LPIN1: variants seen among roughly 807,000 people sequenced by gnomAD.
LPIN1 encodes the protein lipin 1.
Under a neutral mutation model 107.5 loss-of-function variants are expected in LPIN1, and 71 were observed. The observed-to-expected ratio is 0.66, with a 90% CI of 0.55 to 0.80. LPIN1 has a LOEUF of 0.80. LPIN1 is among the 30% of genes least tolerant of loss of function. LPIN1 has a pLI of 0.00. For synonymous variants in LPIN1, 445 were observed against 452.6 expected, an observed-to-expected ratio of 0.98 and a Z score of 0.21; for missense variants, 1,043 against 1,160.6, an observed-to-expected ratio of 0.90 and a Z score of 1.47.
At chr2:11,807,094 A>G (rs1424006176) in intron 17 of LPIN1, among the ~76,000 whole-genome samples, 1 of 152,212 alleles carries the variant, frequency 6.6e-6, no homozygotes, top group African/African-American at 2.4e-5. Flanking sequence ...TGCTTATGAT[A>G]TATAATGCAT....
intron 1 of LPIN1, chr2:11,741,316 G>T (rs1029088059): frequency 3.3e-5 from 49 of 1,465,846 alleles, no homozygotes; most frequent in Middle Eastern, 3.5e-4. Flanking sequence ...GAGAGAAAAA[G>T]AACATTTTGT....
At position 11,802,964 on chromosome 2, in the gene LPIN1, C is replaced by G; in HGVS notation, c.1944C>G (p.Asn648Lys). ...AGCGCGCAGCTGCCAAGCCATCAAACGCAGGCCACCTCCCTCTTCTGCCTA... is the reference window on the plus strand; with the variant it reads ...AGCGCGCAGCTGCCAAGCCATCAAAGGCAGGCCACCTCCCTCTTCTGCCTA... ...DEERAAAKPS[N>K]AGHLPLLPNV... Residue 648 changes from asparagine to lysine, a missense_variant, in exon 15 of 21, where the codon AAC (asparagine) becomes AAG (lysine). By Grantham distance (94) the Asn-to-Lys change is moderately conservative. Transcript: ENST00000674199. 1 of 1,613,380 alleles carries G rather than the reference C, an allele frequency of 6.2e-7. No homozygotes were observed. Among genetic ancestry groups the G allele is most frequent in the Non-Finnish European group, 8.5e-7 (1 of 1,180,034 alleles).
intron 7 of LPIN1, 150 bp downstream of exon 7, chr2:11,779,795 A>G: frequency 1.1e-6 from 1 of 901,434 alleles, no homozygotes; most frequent in Admixed American, 2.1e-5. Context: ...GAATGTTGGA[A>G]TTACTTTCTT....
At chr2:11,797,295 A>G (rs538711706) in intron 14 of LPIN1, among the ~76,000 whole-genome samples, 7 of 152,352 alleles carry the variant, frequency 4.6e-5, no homozygotes, top group African/African-American at 1.4e-4. Context: ...GGGGTTAAGA[A>G]TAACACCGAT....
At position 11,773,676 on chromosome 2, in the gene LPIN1, C is replaced by T; in HGVS notation, c.653C>T (p.Ser218Phe). The change falls in exon 5 of 21, where the codon TCC (serine) becomes TTC (phenylalanine). Residue 218 changes from serine (S) to phenylalanine (F), a missense_variant. Physicochemically the swap from Ser to Phe is radical, Grantham distance 155 (BLOSUM62 -2). Transcript: ENST00000674199. ...GATGATATTCCTGAGGAAAACCTCTCCCTGGCTGTGATTTACCCTCAGTCA... is the reference window on the plus strand; with the variant it reads ...GATGATATTCCTGAGGAAAACCTCTTCCTGGCTGTGATTTACCCTCAGTCA... ...FQDDIPEENL[S>F]LAVIYPQSAS... 6.2e-7 allele frequency: 1 copy of T among 1,612,964 alleles called. No homozygotes were observed. The highest frequency in any genetic ancestry group is 8.5e-7 in the Non-Finnish European group (1 of 1,178,996).
At chr2:11,691,084 G>GTTTTTTTTT (rs59865645) in intron 1 of LPIN1, among the ~76,000 whole-genome samples, 1 of 140,604 alleles carries the variant, frequency 7.1e-6, no homozygotes, top group African/African-American at 2.7e-5. Context: ...TCTTGTTGTG[G>GTTTTTTTTT]TTTTTTTTTT....
chr2:11,767,592 T>G (rs780073338), intron 2 of LPIN1, 171 bp from the exon 3 acceptor site: 7 of 663,894 alleles, frequency 1.1e-5, no homozygotes, highest in Non-Finnish European at 8.3e-6. Flanking sequence ...ACTCCTCCAG[T>G]CCTCAAGTGA....
chr2:11,712,996 G>T (rs1193910518), intron 1 of LPIN1, among the ~76,000 whole-genome samples: 9 of 152,160 alleles, frequency 5.9e-5, no homozygotes, highest in African/African-American at 1.9e-4. Context: ...CCTGTCACTT[G>T]GCAGGGCAGG....
upstream of LPIN1, among the ~76,000 whole-genome samples, chr2:11,744,015 C>G (rs1469575292): frequency 6.6e-6 from 1 of 152,242 alleles, no homozygotes; most frequent in Non-Finnish European, 1.5e-5. Flanking sequence ...ACAGCAGCTT[C>G]CCATGATGCC....
At position 11,764,101 on chromosome 2, in the gene LPIN1, T is replaced by TACACAC. The variant is rs1489154625; in HGVS notation, c.-9-1431_-9-1430insCACACA. 103 of 121,280 alleles carry TACACAC rather than the reference T, an allele frequency of 8.5e-4. 1 individual carries two copies. Among genetic ancestry groups the TACACAC allele is most frequent in the Middle Eastern group, 4.5e-3 (1 of 222 alleles). The allele number at this position is 121,280 out of a possible 1,614,324, so 7.5% of individuals were successfully genotyped here. ...GTGTATATATATATATATATATATA[T>TACACAC]ATACACACACACACACACAACGACT... On this transcript the variant is annotated intron_variant, in intron 1 of 20. Transcript: ENST00000674199.
At chr2:11,737,814 G>C (rs542568287) in intron 1 of LPIN1, among the ~76,000 whole-genome samples, 4 of 152,344 alleles carry the variant, frequency 2.6e-5, no homozygotes, top group Admixed American at 2.6e-4. Context: ...CAACCATTGT[G>C]GAAGACAGTG....
At chr2:11,678,370 G>C (rs1195990561) in intron 1 of LPIN1, among the ~76,000 whole-genome samples, 1 of 152,218 alleles carries the variant, frequency 6.6e-6, no homozygotes, top group Non-Finnish European at 1.5e-5. Flanking sequence ...CCGAGGGTAG[G>C]GCCTGGGCTA....
Position 11,782,338 on chromosome 2 carries a change from A to C in LPIN1, c.1095A>C (p.Ala365=). 1 of 1,614,206 alleles carries C rather than the reference A, an allele frequency of 6.2e-7. No homozygotes were observed. The highest frequency in any genetic ancestry group is 8.5e-7 in the Non-Finnish European group (1 of 1,180,034). Reference sequence around the variant, plus strand: ...AATCGCCAACTCTGGTCGGTGGGGCACTTTTGGACCAGAACAAGCCTCAGA... The same window carrying C: ...AATCGCCAACTCTGGTCGGTGGGGCCCTTTTGGACCAGAACAAGCCTCAGA... ...SDQSPTLVGG[A]LLDQNKPQTE... is the part of the protein sequence containing the mutation. The change falls in exon 8 of 21, where the codon GCA becomes GCC. Residue 365 remains alanine (A), a synonymous_variant. Transcript: ENST00000674199.
At chr2:11,811,194 C>CAGT (rs1054024446) in intron 17 of LPIN1, among the ~76,000 whole-genome samples, 6 of 152,168 alleles carry the variant, frequency 3.9e-5, no homozygotes, top group Non-Finnish European at 7.4e-5. Context: ...TAGGAGTGCT[C>CAGT]AGTGAGTGAG....
intron 1 of LPIN1, among the ~76,000 whole-genome samples, chr2:11,747,366 G>A (rs1667123978): frequency 6.6e-6 from 1 of 152,256 alleles, no homozygotes; most frequent in Non-Finnish European, 1.5e-5. Flanking sequence ...TGCAGGATGA[G>A]AAGTAACGTT....
chr2:11,702,478 C>T (rs959368278), intron 1 of LPIN1, among the ~76,000 whole-genome samples: 1 of 152,142 alleles, frequency 6.6e-6, no homozygotes, highest in Non-Finnish European at 1.5e-5. Context: ...GGAAGGTCTG[C>T]AGGCCAGCCA....
In LPIN1 at chr2:11,815,239, AG is replaced by A; in HGVS notation, c.2402+1del. ...CAGCAGCCTCTTCTCTGCCCTGCAC[AG>A]GTACCAGGCCTGCTCCCTGCACCTC... ...SPSSLFSALH[R>X]EVIEKKPEKF... On this transcript the variant is annotated frameshift_variant and splice_region_variant, in exon 18 of 21. Transcript: ENST00000674199. LOFTEE classifies it high-confidence loss of function. 6.2e-7 allele frequency: 1 copy of A among 1,613,938 alleles called. No individual in the cohort carries two copies. The highest frequency in any genetic ancestry group is 8.5e-7 in the Non-Finnish European group (1 of 1,179,964).
At chr2:11,723,969 C>G (rs1026704428), upstream of LPIN1, 2 of 152,090 alleles carry the variant, frequency 1.3e-5, no homozygotes, top group African/African-American at 4.8e-5. Context: ...CAAACTTAGC[C>G]GAGATACCAT....
In LPIN1 at chr2:11,691,314, T is replaced by C. The variant is rs545123413; in HGVS notation, c.81+13586T>C. ...GGGCTCTGAATGAAGCAGCCTTTGG[T>C]TTCCTTCCTGCTTGAAAGGTTGGGT... On this transcript the variant is annotated intron_variant, in intron 1 of 21. Coordinates refer to the LPIN1 transcript ENST00000449576. 6.5e-4 allele frequency among the ~76,000 whole-genome samples: 99 copies of C among 152,304 alleles called. 3 individuals are homozygous for C. In the South Asian group the frequency reaches 0.02, roughly 32 times the overall value.
Sources: allele counts gnomAD v4.1 joint callset (sites outside exome capture counted in the v4.1 genomes callset), GRCh38; gene constraint gnomAD v4.1.1; transcripts MANE v1.5; gene names NCBI Gene and HGNC (gene_info 2026-07-23, HGNC 2026-07-21).